Variants in FN3K observed in about 807,000 individuals in gnomAD.
The protein encoded by FN3K is fructosamine 3 kinase, also known as fructosamine-3-kinase.
Under a neutral mutation model 24.8 loss-of-function variants are expected in FN3K, and 24 were observed. That is an observed-to-expected ratio of 0.97 (90% CI 0.70 to 1.36). FN3K has a LOEUF of 1.36. Ranked by LOEUF, FN3K falls within the 40% of genes most tolerant of loss-of-function variation. The pLI is 0.00. For missense variants in FN3K, 449 were observed against 416.7 expected (o/e 1.08, Z -0.67); for synonymous variants, 192 against 175.2 (o/e 1.10, Z -0.76).
chr17:82,746,788 G>A (rs2046971059), intron 4 of FN3K, among the ~76,000 whole-genome samples: 1 of 151,866 alleles, frequency 6.6e-6, no homozygotes, highest in African/African-American at 2.4e-5. Flanking sequence ...TGGGCAACAA[G>A]AACAAAACTT....
At chr17:82,744,464 T>A (rs367815203) in intron 4 of FN3K, among the ~76,000 whole-genome samples, 111 of 152,284 alleles carry the variant, frequency 7.3e-4, no homozygotes, top group African/African-American at 2.5e-3. Flanking sequence ...TCACTGTAGA[T>A]TAGTTTGCAT....
At position 82,750,851 on chromosome 17, in the gene FN3K, CCT is replaced by C. The variant is rs1219123173; in HGVS notation, c.*97_*98del. On this transcript the variant is annotated 3_prime_UTR_variant, in exon 6 of 6. Transcript: ENST00000300784. ...GTCCCTGTGCCCCCGTCCCTGTCCC[CCT>C]GTTCCCGTCTCCCCGTCCCTCCGTC... 5.5e-5 allele frequency: 52 copies of C among 949,682 alleles called. No individual in the cohort carries two copies. Among genetic ancestry groups the C allele is most frequent in the Middle Eastern group, 3.3e-4 (1 of 3,022 alleles). 58.8% of individuals were successfully genotyped at this position (949,682 alleles called of 1,614,324 possible).
Position 82,735,622 on chromosome 17 carries a change from C to T in FN3K, c.-15C>T. 4 of 1,514,510 alleles carry T rather than the reference C, an allele frequency of 2.6e-6. No homozygotes were observed. Among genetic ancestry groups the T allele is most frequent in the East Asian group, 2.6e-5 (1 of 37,856 alleles). 93.8% of individuals were successfully genotyped at this position (1,514,510 alleles called of 1,614,324 possible). A position where few individuals can be genotyped will look rare whatever the true frequency, so the allele number is the denominator to read the frequency against. On this transcript the variant is annotated 5_prime_UTR_variant, in exon 1 of 6. Coordinates refer to ENST00000300784, the MANE Select transcript of FN3K (RefSeq NM_022158.4). ...AGGGGCTTCCGAGCGAGCAGAGTCC[C>T]GCGCCCCGCACTCCATGGAGCAGCT...
chr17:82,738,846 T>G (rs1278027758), intron 2 of FN3K, among the ~76,000 whole-genome samples: 2 of 150,808 alleles, frequency 1.3e-5, no homozygotes, highest in East Asian at 3.9e-4. Context: ...AGATAAAAAG[T>G]TACTGCTTTC....
rs991048179 is a variant in FN3K, at chr17:82,737,478, T to A, written c.142-1011T>A. Among the ~76,000 whole-genome samples, 3 of 151,978 alleles carry A rather than the reference T, an allele frequency of 2.0e-5. No individual in the cohort carries two copies. In the South Asian group the frequency reaches 6.3e-4, roughly 32 times the overall value. ...GCTGGGACTACAGGTGCCCGCCACCTTGCCTGGCTAATTTTTTGTATTTTT... is the reference window on the plus strand; with the variant it reads ...GCTGGGACTACAGGTGCCCGCCACCATGCCTGGCTAATTTTTTGTATTTTT... On this transcript the variant is annotated intron_variant, in intron 1 of 5. Coordinates refer to ENST00000300784, the MANE Select transcript of FN3K (RefSeq NM_022158.4).
chr17:82,750,472 G>A lies in FN3K; in HGVS notation c.647G>A (p.Gly216Glu). 1 of 1,614,174 alleles carries A rather than the reference G, an allele frequency of 6.2e-7. No homozygotes were observed. Among genetic ancestry groups the A allele is most frequent in the Non-Finnish European group, 8.5e-7 (1 of 1,180,030 alleles). The change falls in exon 6 of 6, where the codon GGG (glycine) becomes GAG (glutamate). Residue 216 changes from glycine (G) to glutamate (E), a missense_variant. Physicochemically the swap from Gly to Glu is moderately conservative, Grantham distance 98. Coordinates refer to ENST00000300784, the MANE Select transcript of FN3K (RefSeq NM_022158.4). ...GAGATTGTCCCCGCGTTGCTCCACG[G>A]GGATCTCTGGTCGGGAAACGTGGCT... ...GLEIVPALLH[G>E]DLWSGNVAED... is the part of the protein sequence containing the mutation.
At chr17:82,743,671 C>G (rs1199488967) in intron 4 of FN3K, among the ~76,000 whole-genome samples, 1 of 152,242 alleles carries the variant, frequency 6.6e-6, no homozygotes, top group Non-Finnish European at 1.5e-5. Context: ...ACTCAACTCA[C>G]CCACTTGCCC....
chr17:82,749,231 C>G (rs1001883864), intron 5 of FN3K: 14 of 563,916 alleles, frequency 2.5e-5, no homozygotes, highest in Non-Finnish European at 3.5e-5. Context: ...AGACTTTCCT[C>G]ATGTGAAACA....
chr17:82,746,093 C>A (rs75058345), intron 4 of FN3K, among the ~76,000 whole-genome samples: 156 of 117,748 alleles, frequency 1.3e-3, no homozygotes, highest in South Asian at 2.6e-3. Flanking sequence ...GACTCCGTCT[C>A]AAAAAAAAAA....
intron 2 of FN3K, 135 bp from the exon 3 acceptor site, chr17:82,740,628 C>A: frequency 1.5e-6 from 1 of 659,958 alleles, no homozygotes; most frequent in East Asian, 3.1e-5. Flanking sequence ...GAGTCATTGC[C>A]TGGTGTTCAC....
chr17:82,738,649 G>T lies in FN3K; in HGVS notation c.293+9G>T. 6.2e-7 allele frequency: 1 copy of T among 1,613,890 alleles called. No individual in the cohort carries two copies. The highest frequency in any genetic ancestry group is 1.1e-5 in the South Asian group (1 of 91,074). On this transcript the variant is annotated intron_variant, in intron 2 of 5. Transcript: ENST00000300784. ...ATGAAGAGCTTGAGCAGGTGAGTGT[G>T]TGTGAGACCCATATGCGCACATGTG... is the stretch of plus-strand genomic sequence containing the variant.
chr17:82,742,271 C>G (rs2046945350), intron 4 of FN3K, among the ~76,000 whole-genome samples: 1 of 152,110 alleles, frequency 6.6e-6, no homozygotes, highest in South Asian at 2.1e-4. Context: ...GAACTCCCAA[C>G]CTCAGGTGAT....
chr17:82,742,805 T>G (rs566510334), intron 4 of FN3K: 9 of 442,350 alleles, frequency 2.0e-5, no homozygotes, highest in Non-Finnish European at 4.1e-5. Flanking sequence ...CACTGCTTCT[T>G]GAAGAGAGAA....
chr17:82,741,854 A>G (rs2046942668), intron 4 of FN3K, among the ~76,000 whole-genome samples: 2 of 152,242 alleles, frequency 1.3e-5, no homozygotes, highest in Admixed American at 1.3e-4. Context: ...TACATTCGTG[A>G]TGGTGTGCAA....
chr17:82,738,772 C>G, intron 2 of FN3K, 132 bp downstream of exon 2: 3 of 1,153,020 alleles, frequency 2.6e-6, no homozygotes, highest in South Asian at 1.3e-5. Context: ...GTGGCTGAGC[C>G]GTCCACACAA....
At chr17:82,746,456 A>G (rs1163498608) in intron 4 of FN3K, among the ~76,000 whole-genome samples, 2 of 152,008 alleles carry the variant, frequency 1.3e-5, no homozygotes, top group Admixed American at 1.3e-4. Flanking sequence ...TACCAGATAT[A>G]TGATTTGCGA....
chr17:82,735,703 G>A lies in FN3K; in HGVS notation c.67G>A (p.Gly23Ser). 3.9e-6 allele frequency: 6 copies of A among 1,547,598 alleles called. No homozygotes were observed. The highest frequency in any genetic ancestry group is 5.2e-6 in the Non-Finnish European group (6 of 1,148,622). The change falls in exon 1 of 6, where the codon GGC becomes AGC. Residue 23 changes from glycine (G) to serine (S), a missense_variant. Transcript: ENST00000300784. The stretch of plus-strand genomic sequence containing the variant: ...GCGGGCCTTCGGCGGCCCCGGCGCC[G>A]GCTGCATCAGCGAGGGCCGAGCCTA... The part of the protein sequence containing the change: ...TLRAFGGPGA[G>S]CISEGRAYDT...
intron 5 of FN3K, 66 bp from the exon 6 acceptor site, chr17:82,750,351 C>A: frequency 7.0e-7 from 1 of 1,432,178 alleles, no homozygotes; most frequent in Non-Finnish European, 9.8e-7. Flanking sequence ...GCCTTATTTC[C>A]AAGAACGAGG....
rs2046895332 is a variant in FN3K, at chr17:82,735,641, A to G, written c.5A>G (p.Glu2Gly). 2 of 1,537,010 alleles carry G rather than the reference A, an allele frequency of 1.3e-6. No individual in the cohort carries two copies. Among genetic ancestry groups the G allele is most frequent in the African/African-American group, 1.4e-5 (1 of 71,612 alleles). The part of the protein sequence containing the change: M[E>G]QLLRAELRTA... ...GAGTCCCGCGCCCCGCACTCCATGGAGCAGCTGCTGCGCGCCGAGCTGCGC... is the reference window on the plus strand; with the variant it reads ...GAGTCCCGCGCCCCGCACTCCATGGGGCAGCTGCTGCGCGCCGAGCTGCGC... Residue 2 changes from glutamate to glycine, a missense_variant, in exon 1 of 6, where the codon GAG (glutamate) becomes GGG (glycine). Transcript: ENST00000300784.
Sources: allele counts gnomAD v4.1 joint callset (sites outside exome capture counted in the v4.1 genomes callset), GRCh38; gene constraint gnomAD v4.1.1; transcripts MANE v1.5; gene names NCBI Gene and HGNC (gene_info 2026-07-23, HGNC 2026-07-21).